The following KIF3C variants were observed in gnomAD, a reference collection of about 807,000 sequenced individuals.
The protein encoded by KIF3C is kinesin family member 3C.
A neutral mutation model predicts 67.7 loss-of-function variants in KIF3C; 12 were observed. The ratio of observed to expected loss-of-function variants is 0.18; its 90% confidence interval spans 0.11 to 0.29. The LOEUF is 0.29. KIF3C is among the 10% of genes least tolerant of loss of function. KIF3C has a pLI of 1.00. For missense variants in KIF3C, 789 were observed against 1,059.6 expected (o/e 0.74, Z 3.55); for synonymous variants, 393 against 426.2 (o/e 0.92, Z 0.96).
intron 4 of KIF3C, 24 bp downstream of exon 4, chr2:25,954,243 G>A: frequency 6.4e-7 from 1 of 1,562,030 alleles, no homozygotes; most frequent in Non-Finnish European, 8.8e-7. Flanking sequence ...GGGGACCCGG[G>A]ATGAAAAGAG....
intron 4 of KIF3C, among the ~76,000 whole-genome samples, chr2:25,952,941 G>A (rs111697652): frequency 0.13 from 20,519 of 152,078 alleles, 1,512 homozygotes; most frequent in African/African-American, 0.17. Flanking sequence ...CATTCTCCAT[G>A]ATGTGCTTAG....
At chr2:25,933,568 G>A (rs1040654407) in intron 5 of KIF3C, among the ~76,000 whole-genome samples, 6 of 151,810 alleles carry the variant, frequency 4.0e-5, no homozygotes, top group East Asian at 1.9e-4. Flanking sequence ...CCAGCTACTC[G>A]AGAGGCTGAG....
chr2:25,962,047 T>G (rs1311294265), intron 1 of KIF3C, among the ~76,000 whole-genome samples: 1 of 151,954 alleles, frequency 6.6e-6, no homozygotes, highest in East Asian at 1.9e-4. Flanking sequence ...AAAGGAAAGA[T>G]CCAGGCTTTT....
chr2:25,934,297 G>A (rs1007618985), intron 5 of KIF3C: 1 of 406,608 alleles, frequency 2.5e-6, no homozygotes, highest in Non-Finnish European at 5.0e-6. Flanking sequence ...TCTGGAATTA[G>A]GCTGGGCGTG....
chr2:25,929,197 C>A, intron 7 of KIF3C, 108 bp downstream of exon 7: 1 of 1,419,500 alleles, frequency 7.0e-7, no homozygotes, highest in East Asian at 2.3e-5. Flanking sequence ...TCACCCCTTG[C>A]CCTTCCTGCC....
Position 25,982,117 on chromosome 2 carries a change from T to G in KIF3C, c.-200A>C. 1 of 505,130 alleles carries G rather than the reference T, an allele frequency of 2.0e-6. No homozygotes were observed. Among genetic ancestry groups the G allele is most frequent in the Non-Finnish European group, 3.5e-6 (1 of 287,046 alleles). 31.3% of individuals were successfully genotyped at this position (505,130 alleles called of 1,614,324 possible). The stretch of plus-strand genomic sequence containing the variant: ...CCGGGCCTCCACCGCTCTCCGGTCC[T>G]CTCTGCACCGGCTGGGAGGTGAATT... On this transcript the variant is annotated 5_prime_UTR_variant, in exon 1 of 8. Transcript: ENST00000264712.
intron 1 of KIF3C, among the ~76,000 whole-genome samples, chr2:25,972,920 T>G (rs1664317764): frequency 6.6e-6 from 1 of 152,180 alleles, no homozygotes; most frequent in Non-Finnish European, 1.5e-5. Flanking sequence ...CTTTCTCTCT[T>G]CTCTTCTTCC....
At chr2:25,969,929 T>C (rs1574495684) in intron 1 of KIF3C, among the ~76,000 whole-genome samples, 1 of 152,216 alleles carries the variant, frequency 6.6e-6, no homozygotes, top group East Asian at 1.9e-4. Flanking sequence ...TTGGCCAAGA[T>C]AGTCGTGAAT....
chr2:25,929,602 C>T, intron 6 of KIF3C, 125 bp from the exon 7 acceptor site: 2 of 731,084 alleles, frequency 2.7e-6, no homozygotes. Context: ...TGTGAGCATC[C>T]CCTCCCATAG....
At chr2:25,963,196 A>ATATTTT (rs1190713944) in intron 1 of KIF3C, among the ~76,000 whole-genome samples, 2 of 43,298 alleles carry the variant, frequency 4.6e-5, no homozygotes, top group African/African-American at 1.4e-4. Context: ...ATATATATAT[A>ATATTTT]TTTTTTTTTT....
chr2:25,959,438 G>C (rs1663889344), intron 1 of KIF3C, among the ~76,000 whole-genome samples: 1 of 152,066 alleles, frequency 6.6e-6, no homozygotes, highest in Admixed American at 6.6e-5. Context: ...CAGAATCCTT[G>C]GGGGTTGTCC....
rs867204403 is a variant in KIF3C, at chr2:25,963,041, A to G, written c.1546-6597T>C. On this transcript the variant is annotated intron_variant, in intron 1 of 7. Coordinates refer to ENST00000264712, the MANE Select transcript of KIF3C (RefSeq NM_002254.8). ...ATATAATATATAATATATAATATAT[A>G]ATATATAAATATATAAATATATATA... Among the ~76,000 whole-genome samples, 3 of 53,990 alleles carry G rather than the reference A, an allele frequency of 5.6e-5. 1 individual carries two copies. The highest frequency in any genetic ancestry group is 9.0e-5 in the Non-Finnish European group (3 of 33,498). 35.4% of individuals were successfully genotyped at this position (53,990 alleles called of 152,430 possible).
At chr2:25,956,504 G>A in intron 1 of KIF3C, 60 bp from the exon 2 acceptor site, 1 of 1,355,730 alleles carries the variant, frequency 7.4e-7, no homozygotes, top group Non-Finnish European at 1.0e-6. Flanking sequence ...ATTGCTAGCT[G>A]GAGAGATTTT....
Position 25,981,112 on chromosome 2 carries a change from G to A in KIF3C, c.806C>T (p.Ser269Leu), listed in dbSNP as rs150389136. The A allele has an allele frequency of 8.7e-5, 140 of 1,614,048 alleles. No homozygotes were observed. Among genetic ancestry groups the A allele is most frequent in the Non-Finnish European group, 1.1e-4 (131 of 1,180,022 alleles). ...GCCTCCACCGCCACCACCGCCACCC[G>A]AGGATGGTGTGGCTGCCCCTCCCGC... ...NTAGGAATPS[S>L]GGGGGGGGSG... Residue 269 changes from serine (S) to leucine (L), a missense_variant, in exon 1 of 8, where the codon TCG (serine) becomes TTG (leucine). Around this residue, in one of 2 missense-constraint regions of KIF3C, gnomAD observed 648 missense variants for 807.8 expected, o/e 0.80. Coordinates refer to ENST00000264712, the MANE Select transcript of KIF3C (RefSeq NM_002254.8). The surrounding 1 kb of genome is among the most constrained non-coding windows in gnomAD (Gnocchi z 8.2).
Position 25,981,963 on chromosome 2 carries a change from G to A in KIF3C, c.-46C>T. ...GCCCCCGAGCCCCTCCGCAGCCTGGGCGGTCCTGCTATCCTGCTCGCTAGG... is the reference window on the plus strand; with the variant it reads ...GCCCCCGAGCCCCTCCGCAGCCTGGACGGTCCTGCTATCCTGCTCGCTAGG... On this transcript the variant is annotated 5_prime_UTR_variant, in exon 1 of 8. Transcript: ENST00000264712. This position sits in a 1 kb window ranked among gnomAD's most constrained non-coding sequence, Gnocchi z 8.2. 12 of 1,469,132 alleles carry A rather than the reference G, an allele frequency of 8.2e-6. No individual in the cohort carries two copies. The highest frequency in any genetic ancestry group is 2.4e-4 in the Middle Eastern group (1 of 4,104). The allele number at this position is 1,469,132 out of a possible 1,614,324, so 91.0% of individuals were successfully genotyped here. A position where few individuals can be genotyped will look rare whatever the true frequency, so the allele number is the denominator to read the frequency against.
At chr2:25,964,088 A>G (rs1664080088) in intron 1 of KIF3C, among the ~76,000 whole-genome samples, 1 of 152,070 alleles carries the variant, frequency 6.6e-6, no homozygotes, top group African/African-American at 2.4e-5. Context: ...CAGGTGCATC[A>G]TTTGAGGCCA....
At position 25,982,232 on chromosome 2, in the gene KIF3C, C is replaced by T. The variant is rs1019115356; in HGVS notation, c.-315G>A. ...CATGCAGGAGCAGAGGGAGCGCTGCCGTAAACAGCTTCGGCAACAATGAGA... is the reference window on the plus strand; with the variant it reads ...CATGCAGGAGCAGAGGGAGCGCTGCTGTAAACAGCTTCGGCAACAATGAGA... On this transcript the variant is annotated 5_prime_UTR_variant, in exon 1 of 8. Coordinates refer to ENST00000264712, the MANE Select transcript of KIF3C (RefSeq NM_002254.8). The T allele has an allele frequency of 2.4e-6, 1 of 418,988 alleles. No individual in the cohort carries two copies. Among genetic ancestry groups the T allele is most frequent in the Non-Finnish European group, 4.2e-6 (1 of 238,480 alleles). 26.0% of individuals were successfully genotyped at this position (418,988 alleles called of 1,614,324 possible).
Position 25,980,336 on chromosome 2 carries a change from G to T in KIF3C, c.1545+37C>A. The T allele has an allele frequency of 6.5e-7, 1 of 1,534,878 alleles. No individual in the cohort carries two copies. The highest frequency in any genetic ancestry group is 8.9e-7 in the Non-Finnish European group (1 of 1,123,684). ...GCCTCCTTGCCGGGATCCCCTGCGG[G>T]GACATCTCGAGTGCCCAGCTCCTCT... On this transcript the variant is annotated intron_variant, in intron 1 of 7. Transcript: ENST00000264712. This position sits in a 1 kb window ranked among gnomAD's most constrained non-coding sequence, Gnocchi z 7.6.
At chr2:25,964,505 T>G (rs1177195036) in intron 1 of KIF3C, among the ~76,000 whole-genome samples, 1 of 152,132 alleles carries the variant, frequency 6.6e-6, no homozygotes, top group Admixed American at 6.5e-5. Context: ...CTTGCTCTGT[T>G]GCCCAGGCTG....
Sources: allele counts gnomAD v4.1 joint callset (sites outside exome capture counted in the v4.1 genomes callset), GRCh38; gene constraint gnomAD v4.1.1; regional missense constraint gnomAD v4.1.1; non-coding constraint Gnocchi (gnomAD v3.1); transcripts MANE v1.5; gene names NCBI Gene and HGNC (gene_info 2026-07-23, HGNC 2026-07-21).